Variants in CYB5A observed in about 807,000 individuals in gnomAD.
CYB5A encodes the protein cytochrome b5.
CYB5A carries 10 observed loss-of-function variants against 16.2 expected under a neutral mutation model. That is an observed-to-expected ratio of 0.62 (90% CI 0.38 to 1.04). CYB5A has a LOEUF of 1.04. CYB5A is among the 50% of genes least tolerant of loss of function. CYB5A has a pLI of 0.01. For synonymous variants in CYB5A, 62 were observed against 57.0 expected (o/e 1.09, Z -0.40); for missense variants, 161 against 165.9 (o/e 0.97, Z 0.16).
At position 74,251,420 on chromosome 18, in the gene CYB5A, G is replaced by A. The variant is rs1981772949; in HGVS notation, c.*2164C>T. 1.3e-5 allele frequency: 2 copies of A among 152,482 alleles called. No homozygotes were observed. Among genetic ancestry groups the A allele is most frequent in the Admixed American group, 6.5e-5 (1 of 15,302 alleles). 9.4% of individuals were successfully genotyped at this position (152,482 alleles called of 1,614,324 possible). On this transcript the variant is annotated 3_prime_UTR_variant, in exon 5 of 5. Coordinates refer to ENST00000340533, the MANE Select transcript of CYB5A (RefSeq NM_148923.4). ...CAGGAGGGAGCTTCCAGGTCACAGA[G>A]AGGTGAGACACAAAGGGTTGCATTC...
chr18:74,267,832 G>A (rs192057863), intron 1 of CYB5A, among the ~76,000 whole-genome samples: 151 of 152,272 alleles, frequency 9.9e-4, no homozygotes, highest in African/African-American at 3.3e-3. Flanking sequence ...CCTCCATAAC[G>A]CACTCCTTGC....
intron 1 of CYB5A, among the ~76,000 whole-genome samples, chr18:74,273,721 A>T (rs1342058721): frequency 3.3e-5 from 5 of 152,196 alleles, no homozygotes; most frequent in Non-Finnish European, 7.3e-5. Flanking sequence ...TGCTCCTGGG[A>T]TTCTTCCTGC....
chr18:74,289,648 C>T (rs1364920791), intron 1 of CYB5A, among the ~76,000 whole-genome samples: 7 of 152,052 alleles, frequency 4.6e-5, no homozygotes, highest in African/African-American at 7.2e-5. Flanking sequence ...TGATGGTGTG[C>T]GCCTGTAATC....
At chr18:74,280,985 C>T (rs1375227645) in intron 1 of CYB5A, among the ~76,000 whole-genome samples, 2 of 152,160 alleles carry the variant, frequency 1.3e-5, no homozygotes, top group Non-Finnish European at 2.9e-5. Context: ...TGAGAATATG[C>T]TGTCGGGGGC....
chr18:74,253,456 A>T lies in CYB5A; in HGVS notation c.*128T>A, dbSNP rs532707180. 3.0e-5 allele frequency: 20 copies of T among 657,346 alleles called. No individual in the cohort carries two copies. In the East Asian group the frequency reaches 5.3e-4, roughly 17 times the overall value. The allele number at this position is 657,346 out of a possible 1,614,324, so 40.7% of individuals were successfully genotyped here. On this transcript the variant is annotated 3_prime_UTR_variant, in exon 5 of 5. Transcript: ENST00000340533. ...TTGTTTTGTTTCTAATGTCGGAAGA[A>T]AAAGAAAGAGATATATTAAAATCAT...
chr18:74,282,235 C>T (rs1983139306), intron 1 of CYB5A, among the ~76,000 whole-genome samples: 1 of 152,212 alleles, frequency 6.6e-6, no homozygotes, highest in Admixed American at 6.5e-5. Context: ...AGAGATCACA[C>T]TAGCATGTGC....
intron 1 of CYB5A, among the ~76,000 whole-genome samples, chr18:74,264,231 GCGAGAA>G (rs777617771): frequency 0.012 from 372 of 30,506 alleles, 2 homozygotes; most frequent in Non-Finnish European, 0.03. Context: ...AAAAAAGAGA[GCGAGAA>G]AGAAAGAACC....
chr18:74,256,961 T>A, intron 3 of CYB5A: 1 of 929,628 alleles, frequency 1.1e-6, no homozygotes, highest in Non-Finnish European at 1.7e-6. Context: ...TATTCATAAC[T>A]ACAGCAAGAG....
intron 3 of CYB5A, chr18:74,257,124 T>A: frequency 2.2e-6 from 1 of 463,174 alleles, no homozygotes; most frequent in Non-Finnish European, 3.8e-6. Flanking sequence ...AACTAGAAAG[T>A]TAAGTTTGAA....
At chr18:74,260,689 A>G (rs906286174) in intron 3 of CYB5A, 17 of 616,748 alleles carry the variant, frequency 2.8e-5, no homozygotes, top group Non-Finnish European at 4.8e-5. Context: ...TGAAAAAAGT[A>G]GTTTACTGAC....
At chr18:74,278,211 C>A (rs1248812135) in intron 1 of CYB5A, among the ~76,000 whole-genome samples, 1 of 152,158 alleles carries the variant, frequency 6.6e-6, no homozygotes, top group Non-Finnish European at 1.5e-5. Flanking sequence ...CCGCCTGACT[C>A]CACGCCAAGT....
chr18:74,289,866 C>T (rs1032393757), intron 1 of CYB5A, among the ~76,000 whole-genome samples: 2 of 151,594 alleles, frequency 1.3e-5, no homozygotes, highest in African/African-American at 4.8e-5. Flanking sequence ...TCCTACAATG[C>T]CCAGGACAGA....
At chr18:74,290,080 T>C (rs77090789) in intron 1 of CYB5A, among the ~76,000 whole-genome samples, 12,237 of 152,212 alleles carry the variant, frequency 0.08, 652 homozygotes, top group South Asian at 0.15. Context: ...TGAGAATTGA[T>C]GTTATATGAC....
intron 4 of CYB5A, among the ~76,000 whole-genome samples, chr18:74,254,625 T>C (rs2145034886): frequency 6.6e-6 from 1 of 151,994 alleles, no homozygotes; most frequent in Middle Eastern, 3.4e-3. Flanking sequence ...GTTCACACCA[T>C]TCTCCTGCCT....
At chr18:74,267,684 G>C (rs1031498143) in intron 1 of CYB5A, among the ~76,000 whole-genome samples, 46 of 152,290 alleles carry the variant, frequency 3.0e-4, no homozygotes, top group African/African-American at 1.1e-3. Context: ...TTATCTAAAA[G>C]ATTTAAGAAA....
At chr18:74,264,423 T>A (rs1264709025) in intron 1 of CYB5A, among the ~76,000 whole-genome samples, 1 of 152,154 alleles carries the variant, frequency 6.6e-6, no homozygotes, top group Non-Finnish European at 1.5e-5. Flanking sequence ...GAGACTGACT[T>A]CTCTGACATC....
At chr18:74,280,175 T>A (rs1983038666) in intron 1 of CYB5A, among the ~76,000 whole-genome samples, 1 of 152,132 alleles carries the variant, frequency 6.6e-6, no homozygotes, top group South Asian at 2.1e-4. Flanking sequence ...ATATGTTATT[T>A]GGGGGGAATA....
At chr18:74,291,611 G>C in intron 1 of CYB5A, 136 bp downstream of exon 1, 5 of 1,326,682 alleles carry the variant, frequency 3.8e-6, no homozygotes, top group South Asian at 1.3e-5. Flanking sequence ...AGGCGTACAC[G>C]CGCAGGTGAG....
In CYB5A at chr18:74,291,843, G is replaced by A. The variant is rs531270678; in HGVS notation, c.33C>T (p.Tyr11=). ...GCTTCTGAATCTCCTCTAGGGTGTA[G>A]TACTTCACGGCCTCGTCCGACTGCT... MAEQSDEAVK[Y]YTLEEIQKHN... The change falls in exon 1 of 5, where the codon TAC becomes TAT. Residue 11 remains tyrosine, a synonymous_variant. Transcript: ENST00000340533. The A allele has an allele frequency of 3.1e-6, 5 of 1,613,656 alleles. No individual in the cohort carries two copies. In the Admixed American group the frequency reaches 8.3e-5, roughly 27 times the overall value.
Sources: gnomAD v4.1 joint callset for allele counts (sites outside exome capture counted in the v4.1 genomes callset) on GRCh38, gnomAD v4.1.1 for gene constraint, MANE v1.5 for transcripts, NCBI Gene and HGNC (gene_info 2026-07-23, HGNC 2026-07-21) for gene names.